Variants in MYO1B observed in about 807,000 individuals in gnomAD.
The protein encoded by MYO1B is unconventional myosin-Ib.
MYO1B carries 72 observed loss-of-function variants against 159.7 expected under a neutral mutation model. The ratio of observed to expected loss-of-function variants is 0.45; its 90% CI spans 0.37 to 0.55. MYO1B has a LOEUF of 0.55. Ranked by LOEUF, MYO1B falls within the 20% of genes least tolerant of loss-of-function variation. The pLI, the probability that MYO1B is intolerant of heterozygous loss-of-function variation, is 0.00. For synonymous variants in MYO1B, 468 were observed against 473.8 expected (o/e 0.99, Z 0.16); for missense variants, 1,062 against 1,364.8 (o/e 0.78, Z 3.50).
At chr2:191,323,153 G>C (rs986699859) in intron 3 of MYO1B, among the ~76,000 whole-genome samples, 1 of 152,174 alleles carries the variant, frequency 6.6e-6, no homozygotes, top group African/African-American at 2.4e-5. Flanking sequence ...ATTATAATTA[G>C]TGTGTAATGA....
chr2:191,352,900 A>G (rs1016651270), intron 7 of MYO1B, among the ~76,000 whole-genome samples: 3 of 152,218 alleles, frequency 2.0e-5, no homozygotes, highest in Non-Finnish European at 4.4e-5. Context: ...GTAGAAAAGA[A>G]GACAAAATTT....
chr2:191,352,461 A>G (rs1290507730), intron 7 of MYO1B, among the ~76,000 whole-genome samples: 1 of 152,252 alleles, frequency 6.6e-6, no homozygotes, highest in Non-Finnish European at 1.5e-5. Flanking sequence ...TTTTATTATT[A>G]TAAGGATTAG....
chr2:191,252,912 C>A (rs773010305), intron 1 of MYO1B, among the ~76,000 whole-genome samples: 2 of 152,176 alleles, frequency 1.3e-5, no homozygotes, highest in Non-Finnish European at 1.5e-5. Flanking sequence ...TTCCTCCTGT[C>A]AGTCACTATG....
intron 1 of MYO1B, among the ~76,000 whole-genome samples, chr2:191,265,984 G>A (rs900579782): frequency 3.9e-5 from 6 of 152,164 alleles, no homozygotes; most frequent in African/African-American, 1.4e-4. Flanking sequence ...GGAGAGGGAG[G>A]CAGGGCATGA....
intron 7 of MYO1B, 148 bp from the exon 8 acceptor site, chr2:191,360,483 C>T (rs1574506187): frequency 1.9e-6 from 1 of 537,186 alleles, no homozygotes; most frequent in Non-Finnish European, 3.3e-6. Flanking sequence ...GTGGTTCTTC[C>T]TGAAGCTAGA....
chr2:191,266,127 C>A (rs1687126779), intron 1 of MYO1B, among the ~76,000 whole-genome samples: 2 of 152,308 alleles, frequency 1.3e-5, no homozygotes, highest in South Asian at 4.1e-4. Context: ...GGCTGCATTT[C>A]CTCCTTAGGG....
chr2:191,312,329 TTC>T (rs1230167150), intron 3 of MYO1B, among the ~76,000 whole-genome samples: 1 of 152,194 alleles, frequency 6.6e-6, no homozygotes, highest in Non-Finnish European at 1.5e-5. Flanking sequence ...CTGGTCTATA[TTC>T]TGTTTTACTC....
At chr2:191,246,786 A>T (rs991652405) in intron 1 of MYO1B, among the ~76,000 whole-genome samples, 3 of 152,208 alleles carry the variant, frequency 2.0e-5, no homozygotes, top group Non-Finnish European at 4.4e-5. Flanking sequence ...ACATTGCTAT[A>T]AATAAATGAA....
At chr2:191,269,959 A>G (rs895256400) in intron 1 of MYO1B, among the ~76,000 whole-genome samples, 16 of 152,140 alleles carry the variant, frequency 1.1e-4, no homozygotes, top group African/African-American at 2.9e-4. Flanking sequence ...AATTTTGGAA[A>G]TGTGTTGAGC....
At chr2:191,383,911 A>C (rs1023111430) in intron 15 of MYO1B, among the ~76,000 whole-genome samples, 1 of 152,020 alleles carries the variant, frequency 6.6e-6, no homozygotes, top group African/African-American at 2.4e-5. Flanking sequence ...TTTAAGTGAC[A>C]TAAAGGGACA....
chr2:191,403,127 C>G (rs1696715012), intron 24 of MYO1B, among the ~76,000 whole-genome samples: 1 of 152,136 alleles, frequency 6.6e-6, no homozygotes, highest in South Asian at 2.1e-4. Context: ...CAATTCTGCT[C>G]CAATAATGGC....
chr2:191,272,101 TTA>T (rs1474003627), intron 1 of MYO1B, among the ~76,000 whole-genome samples: 1 of 152,220 alleles, frequency 6.6e-6, no homozygotes, highest in Non-Finnish European at 1.5e-5. Context: ...AGTAAATGAA[TTA>T]GTGTATGTTG....
At chr2:191,410,925 A>C (rs1697214692) in intron 26 of MYO1B, 141 bp from the exon 27 acceptor site, 1 of 548,050 alleles carries the variant, frequency 1.8e-6, no homozygotes, top group Non-Finnish European at 3.2e-6. Flanking sequence ...CAAGGGAAAA[A>C]TGTTTTTGGC....
chr2:191,409,244 T>C, intron 26 of MYO1B, 66 bp downstream of exon 26: 1 of 1,505,916 alleles, frequency 6.6e-7, no homozygotes, highest in Admixed American at 2.0e-5. Flanking sequence ...TAAAAACACA[T>C]AAAATCAAAA....
At chr2:191,326,770 A>ATATATGTGTG (rs1175505917) in intron 3 of MYO1B, among the ~76,000 whole-genome samples, 2 of 137,060 alleles carry the variant, frequency 1.5e-5, no homozygotes, top group African/African-American at 5.5e-5. Context: ...GTTTGTATAT[A>ATATATGTGTG]TGTGTGTGTG....
intron 1 of MYO1B, among the ~76,000 whole-genome samples, chr2:191,253,001 T>A (rs1355159247): frequency 1.3e-5 from 2 of 152,110 alleles, no homozygotes; most frequent in African/African-American, 4.8e-5. Flanking sequence ...TTTAAAAGGC[T>A]GAGTTACTGG....
intron 1 of MYO1B, among the ~76,000 whole-genome samples, chr2:191,251,402 G>A (rs183907890): frequency 1.1e-3 from 171 of 152,314 alleles, no homozygotes; most frequent in Non-Finnish European, 2.0e-3. Flanking sequence ...AAGATAGGCA[G>A]TTTTATAAAT....
At chr2:191,353,396 T>C (rs1261107377) in intron 7 of MYO1B, among the ~76,000 whole-genome samples, 1 of 152,270 alleles carries the variant, frequency 6.6e-6, no homozygotes, top group South Asian at 2.1e-4. Context: ...GTGGAGAACA[T>C]ATGGTACAAG....
At chr2:191,375,583 T>G (rs1694655925) in intron 13 of MYO1B, among the ~76,000 whole-genome samples, 1 of 151,994 alleles carries the variant, frequency 6.6e-6, no homozygotes, top group Non-Finnish European at 1.5e-5. Context: ...CATGTGTCAG[T>G]CTCATGAATC....
Sources: gnomAD v4.1 joint callset for allele counts (sites outside exome capture counted in the v4.1 genomes callset) on GRCh38, gnomAD v4.1.1 for gene constraint, MANE v1.5 for transcripts, NCBI Gene and HGNC (gene_info 2026-07-23, HGNC 2026-07-21) for gene names.